The following B3GALT5 variants were observed in gnomAD, a reference collection of about 807,000 sequenced individuals.
B3GALT5 encodes the protein beta-1,3-galactosyltransferase 5, also known as UDP-Gal:betaGlcNAc beta 1,3-galactosyltransferase, polypeptide 5.
For synonymous variants in B3GALT5, 156 were observed against 158.6 expected, an observed-to-expected ratio of 0.98 and a Z score of 0.12; for missense variants, 328 against 396.6, an observed-to-expected ratio of 0.83 and a Z score of 1.47.
Position 39,666,085 on chromosome 21 carries a change from T to C in B3GALT5, c.*4593T>C, listed in dbSNP as rs2079575547. 6.6e-6 allele frequency: 1 copy of C among 152,264 alleles called. No homozygotes were observed. The highest frequency in any genetic ancestry group is 6.5e-5 in the Admixed American group (1 of 15,278). 9.4% of individuals were successfully genotyped at this position (152,264 alleles called of 1,614,324 possible). ...AATATTTTTCAAAGTAAGCCAACACTGTGGTTTCACTTGAGTCAGTAAGTA... is the reference window on the plus strand; with the variant it reads ...AATATTTTTCAAAGTAAGCCAACACCGTGGTTTCACTTGAGTCAGTAAGTA... On this transcript the variant is annotated 3_prime_UTR_variant, in exon 4 of 4. Coordinates refer to ENST00000684187, the MANE Select transcript of B3GALT5 (RefSeq NM_001356336.2).
intron 1 of B3GALT5, among the ~76,000 whole-genome samples, chr21:39,615,726 T>C (rs901627743): frequency 1.3e-5 from 2 of 152,220 alleles, no homozygotes; most frequent in African/African-American, 4.8e-5. Context: ...AGAATAATAG[T>C]ACTTATTTCA....
chr21:39,635,827 G>C (rs1236443036), intron 1 of B3GALT5, among the ~76,000 whole-genome samples: 3 of 152,140 alleles, frequency 2.0e-5, no homozygotes, highest in Non-Finnish European at 4.4e-5. Flanking sequence ...GGACCAACTG[G>C]CTAAATGCTG....
intron 1 of B3GALT5, among the ~76,000 whole-genome samples, chr21:39,639,381 T>A (rs1448056958): frequency 7.3e-6 from 1 of 136,482 alleles, no homozygotes; most frequent in Non-Finnish European, 1.6e-5. Context: ...CTTCCTTCCT[T>A]CCTTCCTTCC....
intron 1 of B3GALT5, among the ~76,000 whole-genome samples, chr21:39,640,473 C>G (rs775160131): frequency 6.6e-6 from 1 of 152,144 alleles, no homozygotes; most frequent in Non-Finnish European, 1.5e-5. Context: ...AAGTCCAGCT[C>G]TTTTCAGGAT....
At chr21:39,621,963 T>C (rs574698798) in intron 1 of B3GALT5, among the ~76,000 whole-genome samples, 2 of 152,242 alleles carry the variant, frequency 1.3e-5, no homozygotes, top group African/African-American at 4.8e-5. Flanking sequence ...TTTATTGCTC[T>C]TTTTTCGTAG....
At chr21:39,619,805 C>A (rs2079124967) in intron 1 of B3GALT5, among the ~76,000 whole-genome samples, 1 of 151,822 alleles carries the variant, frequency 6.6e-6, no homozygotes, top group African/African-American at 2.4e-5. Flanking sequence ...TTTTTCTTTT[C>A]TTTCTTTCTT....
chr21:39,631,168 A>G (rs1037958304), intron 1 of B3GALT5, among the ~76,000 whole-genome samples: 10 of 152,208 alleles, frequency 6.6e-5, no homozygotes, highest in African/African-American at 2.4e-4. Context: ...AAGTAGCACA[A>G]ACTGAAAGCC....
chr21:39,654,283 T>C (rs935241690), intron 2 of B3GALT5, among the ~76,000 whole-genome samples: 1 of 152,222 alleles, frequency 6.6e-6, no homozygotes. Flanking sequence ...GGTTTTGCCA[T>C]GTTGGCCAGG....
At chr21:39,622,327 ATTTGGTTACACG>A (rs2079138301) in intron 1 of B3GALT5, among the ~76,000 whole-genome samples, 1 of 152,084 alleles carries the variant, frequency 6.6e-6, no homozygotes, top group Non-Finnish European at 1.5e-5. Context: ...TTTTTGTTCT[ATTTGGTTACACG>A]TTTCTAAAAG....
intron 1 of B3GALT5, among the ~76,000 whole-genome samples, chr21:39,638,161 G>T (rs2079242590): frequency 6.6e-6 from 1 of 152,126 alleles, no homozygotes; most frequent in Admixed American, 6.5e-5. Flanking sequence ...CCATCCCTAG[G>T]CCTGTGCCCA....
At chr21:39,635,438 G>C (rs2079220460) in intron 1 of B3GALT5, among the ~76,000 whole-genome samples, 1 of 152,138 alleles carries the variant, frequency 6.6e-6, no homozygotes, top group African/African-American at 2.4e-5. Context: ...GTTTGTTATT[G>C]TGTCTGTACT....
At chr21:39,630,552 TG>T (rs1289517266) in intron 1 of B3GALT5, 1 of 152,208 alleles carries the variant, frequency 6.6e-6, no homozygotes, top group African/African-American at 2.4e-5. Context: ...GCATCTGTGC[TG>T]GGTTTATGCT....
chr21:39,614,573 G>A (rs1475948627), intron 1 of B3GALT5, among the ~76,000 whole-genome samples: 2 of 152,168 alleles, frequency 1.3e-5, no homozygotes, highest in Non-Finnish European at 2.9e-5. Context: ...ACCTTTAATA[G>A]TTGGTTTTAT....
rs554735500 is a variant in B3GALT5, at chr21:39,614,258, G to C, written c.-392+1191G>C. Among the ~76,000 whole-genome samples the C allele has an allele frequency of 2.0e-4, 30 of 152,294 alleles. No homozygotes were observed. The South Asian group carries it at 3.3e-3, about 17-fold the overall frequency. On this transcript the variant is annotated intron_variant, in intron 1 of 3. Coordinates refer to ENST00000684187, the MANE Select transcript of B3GALT5 (RefSeq NM_001356336.2). ...TATATCTTTTAAGGAATGATTGCAT[G>C]TGTATTAAGTCTTGTTTCCTATCTC...
intron 2 of B3GALT5, chr21:39,657,616 G>C: frequency 3.2e-6 from 1 of 315,884 alleles, no homozygotes; most frequent in Non-Finnish European, 5.8e-6. Flanking sequence ...CCCAACCTCC[G>C]TAATCACGCT....
At chr21:39,642,594 C>CT (rs1286974081) in intron 1 of B3GALT5, among the ~76,000 whole-genome samples, 7 of 152,166 alleles carry the variant, frequency 4.6e-5, no homozygotes, top group African/African-American at 1.7e-4. Context: ...TGCTCTGTCT[C>CT]TTTCTTTGGA....
chr21:39,636,607 A>G (rs2079229363), intron 1 of B3GALT5, among the ~76,000 whole-genome samples: 1 of 152,050 alleles, frequency 6.6e-6, no homozygotes, highest in Non-Finnish European at 1.5e-5. Context: ...CATCTTCTTG[A>G]GGGGCTGTGC....
At chr21:39,650,315 G>C (rs541805440) in intron 2 of B3GALT5, among the ~76,000 whole-genome samples, 2 of 152,194 alleles carry the variant, frequency 1.3e-5, no homozygotes, top group Admixed American at 6.5e-5. Context: ...ACAGCTGCAG[G>C]TGACACGAGA....
chr21:39,640,353 T>G (rs679857), intron 1 of B3GALT5, among the ~76,000 whole-genome samples: 81,815 of 151,888 alleles, frequency 0.54, 22,184 homozygotes, highest in South Asian at 0.61. Flanking sequence ...GAGTGGCTGC[T>G]TAGGAGCCTA....
Sources: gnomAD v4.1 joint callset for allele counts (sites outside exome capture counted in the v4.1 genomes callset) on GRCh38, gnomAD v4.1.1 for gene constraint, MANE v1.5 for transcripts, NCBI Gene and HGNC (gene_info 2026-07-23, HGNC 2026-07-21) for gene names.